The following CNOT4 variants were observed in gnomAD, a reference collection of about 807,000 sequenced individuals.
CNOT4 encodes the protein CCR4-associated factor 4.
CNOT4 carries 8 observed loss-of-function variants against 73.8 expected under a neutral mutation model. The observed-to-expected ratio is 0.11, with a 90% CI of 0.06 to 0.20. The LOEUF (loss-of-function observed/expected upper bound fraction) is 0.20, where lower values mean the gene tolerates loss of function less well. Among genes scored for constraint, CNOT4 ranks in the 10% least tolerant of loss-of-function variants. The pLI is 1.00. For missense variants in CNOT4, 564 were observed against 883.4 expected (o/e 0.64, Z 4.58); for synonymous variants, 293 against 321.1 (o/e 0.91, Z 0.94).
At chr7:135,455,506 CA>C (rs1416266890) in intron 1 of CNOT4, among the ~76,000 whole-genome samples, 1 of 151,654 alleles carries the variant, frequency 6.6e-6, no homozygotes, top group Non-Finnish European at 1.5e-5. Context: ...ATTTATTTTG[CA>C]ACAAAAGTGG....
At chr7:135,413,645 G>A (rs753715459) in intron 5 of CNOT4, 32 bp from the exon 6 acceptor site, 2 of 1,597,188 alleles carry the variant, frequency 1.3e-6, no homozygotes, top group Admixed American at 1.7e-5. Flanking sequence ...AGGAAAAGAA[G>A]ACTCAATGTG....
chr7:135,400,079 G>A (rs1003429202), intron 7 of CNOT4, among the ~76,000 whole-genome samples: 1 of 151,958 alleles, frequency 6.6e-6, no homozygotes, highest in East Asian at 1.9e-4. Flanking sequence ...AATTTAAGTA[G>A]GTCCTTAAAA....
intron 1 of CNOT4, among the ~76,000 whole-genome samples, chr7:135,468,515 T>C (rs1321569254): frequency 6.6e-6 from 1 of 151,910 alleles, no homozygotes; most frequent in African/African-American, 2.4e-5. Flanking sequence ...ACCCTGTCTC[T>C]ACTAAAAATA....
At chr7:135,379,658 C>A (rs900299568) in intron 10 of CNOT4, among the ~76,000 whole-genome samples, 4 of 152,020 alleles carry the variant, frequency 2.6e-5, no homozygotes, top group African/African-American at 9.6e-5. Context: ...ACAGAGAAAA[C>A]CTAAGTGGAA....
intron 10 of CNOT4, among the ~76,000 whole-genome samples, chr7:135,376,949 AATGAT>A (rs753328269): frequency 1.5e-4 from 23 of 152,338 alleles, no homozygotes; most frequent in African/African-American, 5.1e-4. Flanking sequence ...TATTTCAGAA[AATGAT>A]ATAACTTCAT....
intron 10 of CNOT4, among the ~76,000 whole-genome samples, chr7:135,391,993 C>T (rs1053762899): frequency 1.3e-5 from 2 of 151,990 alleles, no homozygotes; most frequent in Non-Finnish European, 2.9e-5. Context: ...TAAGAAGCAC[C>T]TCCTGTTATA....
intron 1 of CNOT4, among the ~76,000 whole-genome samples, chr7:135,485,869 T>C (rs773827498): frequency 1.6e-4 from 24 of 152,212 alleles, no homozygotes; most frequent in Non-Finnish European, 1.2e-4. Context: ...GCATTGGCAC[T>C]AGGTAAAGAG....
At chr7:135,499,739 T>C (rs1406446702) in intron 1 of CNOT4, among the ~76,000 whole-genome samples, 1 of 152,114 alleles carries the variant, frequency 6.6e-6, no homozygotes, top group Non-Finnish European at 1.5e-5. Flanking sequence ...ACCCTATATT[T>C]GATATTTTCT....
chr7:135,444,689 G>A, intron 1 of CNOT4: 1 of 1,196,438 alleles, frequency 8.4e-7, no homozygotes, highest in Non-Finnish European at 1.2e-6. Flanking sequence ...TCCTGGGTCT[G>A]CTTCCGGCTG....
chr7:135,381,227 C>A (rs1049867859), intron 10 of CNOT4, among the ~76,000 whole-genome samples: 1 of 152,198 alleles, frequency 6.6e-6, no homozygotes, highest in East Asian at 1.9e-4. Flanking sequence ...TCCTCTACTA[C>A]ATTCATTAAG....
chr7:135,466,314 A>T (rs1260864028), intron 1 of CNOT4, among the ~76,000 whole-genome samples: 2 of 151,420 alleles, frequency 1.3e-5, no homozygotes, highest in African/African-American at 4.9e-5. Flanking sequence ...TCTCTACTAA[A>T]AATACAAAAA....
rs774297250 is a variant in CNOT4, at chr7:135,464,034, A to AAAAC, written c.-92-25612_-92-25611insGTTT. 7.3e-5 allele frequency among the ~76,000 whole-genome samples: 11 copies of AAAAC among 151,500 alleles called. 1 individual carries two copies. The highest frequency in any genetic ancestry group is 1.5e-4 in the Non-Finnish European group (10 of 67,832). ...CTATTATTAAAAAGTCAAAAAAAAA[A>AAAAC]AAAAAACAGATGGTGGCAAGGTTAC... On this transcript the variant is annotated intron_variant, in intron 1 of 11. Coordinates refer to ENST00000541284, the MANE Select transcript of CNOT4 (RefSeq NM_001190850.2).
At chr7:135,440,493 T>G (rs1443081852) in intron 1 of CNOT4, among the ~76,000 whole-genome samples, 4 of 152,176 alleles carry the variant, frequency 2.6e-5, no homozygotes, top group Non-Finnish European at 5.9e-5. Flanking sequence ...GGATTCCTTC[T>G]AGGAAGTTTT....
intron 7 of CNOT4, among the ~76,000 whole-genome samples, chr7:135,410,294 G>A (rs985817283): frequency 1.3e-5 from 2 of 152,228 alleles, no homozygotes; most frequent in South Asian, 2.1e-4. Context: ...ACCACAAAAG[G>A]TGAACCCATC....
intron 1 of CNOT4, among the ~76,000 whole-genome samples, chr7:135,460,636 T>C (rs62479460): frequency 0.038 from 5,804 of 152,178 alleles, 155 homozygotes; most frequent in Non-Finnish European, 0.056. Context: ...GTAACAGACA[T>C]AATAATCATT....
intron 9 of CNOT4, among the ~76,000 whole-genome samples, chr7:135,395,211 C>G (rs966783991): frequency 6.6e-6 from 1 of 151,870 alleles, no homozygotes; most frequent in East Asian, 1.9e-4. Flanking sequence ...TAGCAAGACC[C>G]TGTCTCTACA....
chr7:135,384,673 G>A (rs781120015), intron 10 of CNOT4: 1 of 765,264 alleles, frequency 1.3e-6, no homozygotes, highest in South Asian at 1.3e-5. Flanking sequence ...TACTGAATGA[G>A]CCTATCTTCT....
At chr7:135,464,834 A>G (rs1441115654) in intron 1 of CNOT4, among the ~76,000 whole-genome samples, 1 of 152,076 alleles carries the variant, frequency 6.6e-6, no homozygotes, top group African/African-American at 2.4e-5. Context: ...GTTATTTAAT[A>G]AAGCCCAATG....
rs772290119 is a variant in CNOT4, at chr7:135,415,180, G to A, written c.455C>T (p.Ser152Leu). The change falls in exon 4 of 12, where the codon TCA becomes TTA. Residue 152 changes from serine to leucine, a missense_variant. This residue lies in a region of CNOT4 where 76 missense variants were observed against 208.7 expected (regional missense o/e 0.36). Transcript: ENST00000541284. Reference protein sequence around the residue: ...VINNSTSYAGSQGPSASAYVT... With the variant: ...VINNSTSYAGLQGPSASAYVT... ...AAAATCCCTAAAATTAGTTACCTGT[G>A]AGCCTGCATATGATGTGCTATTATT... 4 of 1,586,738 alleles carry A rather than the reference G, an allele frequency of 2.5e-6. No homozygotes were observed. The South Asian group carries it at 4.4e-5, about 18-fold the overall frequency.
Sources: gnomAD v4.1 joint callset for allele counts (sites outside exome capture counted in the v4.1 genomes callset) on GRCh38, gnomAD v4.1.1 for gene constraint, gnomAD v4.1.1 regional missense constraint, MANE v1.5 for transcripts, NCBI Gene and HGNC (gene_info 2026-07-23, HGNC 2026-07-21) for gene names.